The following XRN2 variants were observed in gnomAD, a reference collection of about 807,000 sequenced individuals.
XRN2 encodes the protein DHM1-like protein.
In XRN2, 44 loss-of-function variants were observed where a neutral mutation model predicts 138.5. That is an observed-to-expected ratio of 0.32 (90% CI 0.25 to 0.41). XRN2 has a LOEUF of 0.41. XRN2 is among the 10% of genes least tolerant of loss of function. The pLI is 1.00. For synonymous variants in XRN2, 354 were observed against 369.4 expected, an observed-to-expected ratio of 0.96 and a Z score of 0.48; for missense variants, 937 against 1,169.3, an observed-to-expected ratio of 0.80 and a Z score of 2.90.
chr20:21,346,679 G>A, intron 17 of XRN2, 129 bp downstream of exon 17: 2 of 1,161,590 alleles, frequency 1.7e-6, no homozygotes, highest in Non-Finnish European at 2.4e-6. Flanking sequence ...GAGGGCAATG[G>A]CGTGATCTCA....
chr20:21,355,360 T>C lies in XRN2; in HGVS notation c.2020+488T>C, dbSNP rs117195930. On this transcript the variant is annotated intron_variant, in intron 21 of 29. Coordinates refer to ENST00000377191, the MANE Select transcript of XRN2 (RefSeq NM_012255.5). ...AATCAATACTGACAGTAAAAAGTAT[T>C]CATATTCGGAAATTGCAAAGCTGGG... Among the ~76,000 whole-genome samples the C allele has an allele frequency of 5.3e-3, 812 of 152,238 alleles. 5 individuals are homozygous for C. Among genetic ancestry groups the C allele is most frequent in the Non-Finnish European group, 6.6e-3 (450 of 67,998 alleles).
At chr20:21,380,067 T>TA (rs1224315464) in intron 27 of XRN2, among the ~76,000 whole-genome samples, 2 of 152,106 alleles carry the variant, frequency 1.3e-5, no homozygotes, top group Non-Finnish European at 1.5e-5. Context: ...ATACCATACA[T>TA]AAAAAGACAC....
chr20:21,345,696 A>G (rs2038427401), intron 16 of XRN2, among the ~76,000 whole-genome samples: 1 of 152,194 alleles, frequency 6.6e-6, no homozygotes, highest in Admixed American at 6.5e-5. Flanking sequence ...GATGAATGAT[A>G]ATTTAGTGGA....
chr20:21,350,392 G>A (rs2038491943), intron 20 of XRN2, among the ~76,000 whole-genome samples: 4 of 151,806 alleles, frequency 2.6e-5, no homozygotes, highest in South Asian at 4.2e-4. Context: ...CTGGTGTGGT[G>A]GCGGGCGCCT....
chr20:21,309,112 GTC>G (rs1416958195), intron 1 of XRN2, among the ~76,000 whole-genome samples: 3 of 152,182 alleles, frequency 2.0e-5, no homozygotes, highest in Non-Finnish European at 4.4e-5. Flanking sequence ...TGAGAATTGT[GTC>G]TCTGTTCACA....
Position 21,389,345 on chromosome 20 carries a change from G to A in XRN2, c.*7G>A. On this transcript the variant is annotated 3_prime_UTR_variant, in exon 30 of 30. Coordinates refer to ENST00000377191, the MANE Select transcript of XRN2 (RefSeq NM_012255.5). The stretch of plus-strand genomic sequence containing the variant: ...AAGATACAATTGGAATTAAGCTTTT[G>A]TAAAGCTTTCCCAAATCCTTTCATC... 2 of 1,610,746 alleles carry A rather than the reference G, an allele frequency of 1.2e-6. No individual in the cohort carries two copies. Among genetic ancestry groups the A allele is most frequent in the Non-Finnish European group, 1.7e-6 (2 of 1,178,394 alleles).
chr20:21,329,200 C>A (rs551367016), intron 4 of XRN2, among the ~76,000 whole-genome samples: 1 of 152,192 alleles, frequency 6.6e-6, no homozygotes, highest in South Asian at 2.1e-4. Context: ...ACTTATGGTT[C>A]CTTCAAGTTT....
rs560677414 is a variant in XRN2, at chr20:21,309,432, C to A, written c.75+5959C>A. Among the ~76,000 whole-genome samples the A allele has an allele frequency of 1.1e-4, 17 of 152,296 alleles. 1 individual carries two copies. Among genetic ancestry groups the A allele is most frequent in the African/African-American group, 3.8e-4 (16 of 41,566 alleles). The stretch of plus-strand genomic sequence containing the variant: ...CAGATTTTGCCCATTTCATCTAAGT[C>A]AAGCTTGTCCAACCTGTGGCCTGCA... On this transcript the variant is annotated intron_variant, in intron 1 of 29. Coordinates refer to ENST00000377191, the MANE Select transcript of XRN2 (RefSeq NM_012255.5).
At chr20:21,313,763 T>C (rs1309033876) in intron 1 of XRN2, among the ~76,000 whole-genome samples, 1 of 152,208 alleles carries the variant, frequency 6.6e-6, no homozygotes, top group Non-Finnish European at 1.5e-5. Flanking sequence ...CTGCCTCTTT[T>C]CTCTCTTCCA....
chr20:21,368,129 A>G lies in XRN2; in HGVS notation c.2457-334A>G, dbSNP rs538883140. On this transcript the variant is annotated intron_variant, in intron 26 of 29. Coordinates refer to ENST00000377191, the MANE Select transcript of XRN2 (RefSeq NM_012255.5). ...ATAGCAAGATGTAGAGTAGTCATGT[A>G]TACAGTGATAGCAAGAACATGGATC... 1.8e-4 allele frequency among the ~76,000 whole-genome samples: 27 copies of G among 152,330 alleles called. No individual in the cohort carries two copies. The South Asian group carries it at 5.6e-3, about 32-fold the overall frequency.
Position 21,346,440 on chromosome 20 carries a change from C to T in XRN2, c.1555C>T (p.Arg519Trp), listed in dbSNP as rs147104098. 21 of 1,613,818 alleles carry T rather than the reference C, an allele frequency of 1.3e-5. No individual in the cohort carries two copies. Among genetic ancestry groups the T allele is most frequent in the Non-Finnish European group, 1.7e-5 (20 of 1,179,928 alleles). Reference sequence around the variant, plus strand: ...GTTATGGGAAGCTGGCTGGAAGCAGCGGTACTACAAGAACAAATTTGATGT... The same window carrying T: ...GTTATGGGAAGCTGGCTGGAAGCAGTGGTACTACAAGAACAAATTTGATGT... ...VRLWEAGWKQ[R>W]YYKNKFDVDA... Residue 519 changes from arginine to tryptophan, a missense_variant, in exon 17 of 30, where the codon CGG (arginine) becomes TGG (tryptophan). Transcript: ENST00000377191.
intron 21 of XRN2, among the ~76,000 whole-genome samples, chr20:21,355,873 A>G (rs1249704213): frequency 6.6e-6 from 1 of 152,178 alleles, no homozygotes; most frequent in Non-Finnish European, 1.5e-5. Context: ...CTATTTTGAA[A>G]TATGTAATAA....
chr20:21,333,655 G>A (rs1890764156), intron 10 of XRN2, 37 bp downstream of exon 10: 2 of 1,613,998 alleles, frequency 1.2e-6, no homozygotes, highest in Non-Finnish European at 1.7e-6. Flanking sequence ...GCACTCTAAA[G>A]CAGGGTGCCT....
At chr20:21,329,438 A>G (rs2038172977) in intron 4 of XRN2, among the ~76,000 whole-genome samples, 1 of 152,164 alleles carries the variant, frequency 6.6e-6, no homozygotes, top group Non-Finnish European at 1.5e-5. Context: ...TAGACCAGAA[A>G]AGCCACAGTG....
intron 4 of XRN2, 131 bp downstream of exon 4, chr20:21,328,801 T>A (rs2038163344): frequency 2.5e-6 from 2 of 786,654 alleles, no homozygotes; most frequent in Admixed American, 2.8e-5. Flanking sequence ...CAGTGTTCAC[T>A]GTTGAGGAAA....
intron 1 of XRN2, among the ~76,000 whole-genome samples, chr20:21,325,760 G>A (rs1220987652): frequency 6.6e-6 from 1 of 152,186 alleles, no homozygotes; most frequent in Non-Finnish European, 1.5e-5. Flanking sequence ...GTAAGATTAA[G>A]GACGTACACT....
chr20:21,365,398 A>T, intron 24 of XRN2, 23 bp from the exon 25 acceptor site: 1 of 1,606,924 alleles, frequency 6.2e-7, no homozygotes, highest in Non-Finnish European at 8.5e-7. Flanking sequence ...CAGATCATTG[A>T]ATTGTTTCTT....
intron 28 of XRN2, among the ~76,000 whole-genome samples, chr20:21,386,581 G>T (rs1328803387): frequency 2.0e-5 from 3 of 152,142 alleles, no homozygotes; most frequent in Non-Finnish European, 4.4e-5. Flanking sequence ...ATCTTTAAGT[G>T]ACTAAAAAGG....
At chr20:21,376,837 G>A (rs1381575121) in intron 27 of XRN2, among the ~76,000 whole-genome samples, 1 of 152,214 alleles carries the variant, frequency 6.6e-6, no homozygotes, top group Non-Finnish European at 1.5e-5. Context: ...GTGAGTTTGT[G>A]GGGGTCAAAG....
Sources: allele counts gnomAD v4.1 joint callset (sites outside exome capture counted in the v4.1 genomes callset), GRCh38; gene constraint gnomAD v4.1.1; transcripts MANE v1.5; gene names NCBI Gene and HGNC (gene_info 2026-07-23, HGNC 2026-07-21).